The following MEI4 variants were observed in gnomAD, a reference collection of about 807,000 sequenced individuals.
MEI4 encodes meiotic double-stranded break formation protein 4, also known as meiosis-specific protein MEI4.
MEI4 carries 27 observed loss-of-function variants against 31.4 expected under a neutral mutation model. The ratio of observed to expected loss-of-function variants is 0.86; its 90% CI spans 0.63 to 1.19. MEI4 has a LOEUF of 1.19. MEI4 is among the 50% of genes most tolerant of loss of function. MEI4 has a pLI of 0.00. For synonymous variants in MEI4, 122 were observed against 145.4 expected, an observed-to-expected ratio of 0.84 and a Z score of 1.16; for missense variants, 329 against 398.9, an observed-to-expected ratio of 0.82 and a Z score of 1.49.
In MEI4 at chr6:77,737,228, G is replaced by T. The variant is rs577975443; in HGVS notation, c.233-23902G>T. On this transcript the variant is annotated intron_variant, in intron 2 of 4. Coordinates refer to ENST00000684080, the MANE Select transcript of MEI4 (RefSeq NM_001322247.2). ...TACTTTCCATAAGTTATTTATTTAGGTTATCTGATGGATAAGGCTATTTAG... is the reference window on the plus strand; with the variant it reads ...TACTTTCCATAAGTTATTTATTTAGTTTATCTGATGGATAAGGCTATTTAG... Among the ~76,000 whole-genome samples the T allele has an allele frequency of 1.4e-4, 21 of 152,280 alleles. No individual in the cohort carries two copies. The South Asian group carries it at 1.9e-3, about 14-fold the overall frequency.
intron 4 of MEI4, among the ~76,000 whole-genome samples, chr6:77,890,320 C>T (rs1422639133): frequency 1.3e-5 from 2 of 152,190 alleles, no homozygotes; most frequent in Non-Finnish European, 2.9e-5. Context: ...TCAGTGTGAC[C>T]TGAATATGAG....
At chr6:77,726,317 C>T (rs1041859261) in intron 2 of MEI4, among the ~76,000 whole-genome samples, 3 of 151,506 alleles carry the variant, frequency 2.0e-5, no homozygotes, top group African/African-American at 4.9e-5. Flanking sequence ...ATGTCTACTT[C>T]TTTCTACACA....
At position 77,747,433 on chromosome 6, in the gene MEI4, T is replaced by C. The variant is rs561534189; in HGVS notation, c.233-13697T>C. ...GGAGCCCTCAGGAAACGCACAGTCA[T>C]GGTAGAAGGGGACACAGTCATGTGT... On this transcript the variant is annotated intron_variant, in intron 2 of 4. Coordinates refer to ENST00000684080, the MANE Select transcript of MEI4 (RefSeq NM_001322247.2). 1.3e-4 allele frequency among the ~76,000 whole-genome samples: 20 copies of C among 152,186 alleles called. 1 individual carries two copies. In the East Asian group the frequency reaches 3.9e-3, roughly 30 times the overall value.
intron 1 of MEI4, among the ~76,000 whole-genome samples, chr6:77,671,433 C>G (rs912065976): frequency 6.6e-6 from 1 of 151,874 alleles, no homozygotes; most frequent in African/African-American, 2.4e-5. Context: ...TGTTTGCTGA[C>G]AAAGTGGTTA....
intron 3 of MEI4, among the ~76,000 whole-genome samples, chr6:77,783,330 A>T (rs1477635015): frequency 6.6e-6 from 1 of 152,208 alleles, no homozygotes; most frequent in Non-Finnish European, 1.5e-5. Flanking sequence ...TAACTTAAAA[A>T]TATACCTTCC....
chr6:77,911,340 T>A (rs1766430426), intron 4 of MEI4, among the ~76,000 whole-genome samples: 1 of 152,206 alleles, frequency 6.6e-6, no homozygotes, highest in African/African-American at 2.4e-5. Context: ...AGGGTACATA[T>A]GCAAGTTTAT....
chr6:77,902,962 A>G (rs1766216138), intron 4 of MEI4, among the ~76,000 whole-genome samples: 1 of 152,104 alleles, frequency 6.6e-6, no homozygotes, highest in Non-Finnish European at 1.5e-5. Context: ...TTTGGCAAAT[A>G]AACTTTCTAA....
chr6:77,882,855 T>G (rs1167534604), intron 4 of MEI4, among the ~76,000 whole-genome samples: 1 of 152,172 alleles, frequency 6.6e-6, no homozygotes, highest in Non-Finnish European at 1.5e-5. Context: ...AATGTAACAC[T>G]CTTCTAATTT....
At chr6:77,711,319 T>C (rs970342284) in intron 2 of MEI4, among the ~76,000 whole-genome samples, 2 of 152,208 alleles carry the variant, frequency 1.3e-5, no homozygotes, top group Non-Finnish European at 2.9e-5. Context: ...ACAAGATATG[T>C]ATATGTGTAT....
intron 4 of MEI4, among the ~76,000 whole-genome samples, chr6:77,839,559 C>A (rs1582201795): frequency 6.6e-6 from 1 of 152,058 alleles, no homozygotes; most frequent in East Asian, 1.9e-4. Flanking sequence ...ATGATGTAAA[C>A]CGCTGTGTAT....
intron 4 of MEI4, among the ~76,000 whole-genome samples, chr6:77,849,034 A>G (rs1386202901): frequency 6.6e-6 from 1 of 152,106 alleles, no homozygotes; most frequent in Non-Finnish European, 1.5e-5. Context: ...CACACATATA[A>G]TATAATTGCT....
intron 4 of MEI4, among the ~76,000 whole-genome samples, chr6:77,921,513 T>G (rs1766702721): frequency 6.6e-6 from 1 of 151,864 alleles, no homozygotes; most frequent in Admixed American, 6.6e-5. Flanking sequence ...AAGAGAACTT[T>G]ACTTTTAATT....
intron 4 of MEI4, among the ~76,000 whole-genome samples, chr6:77,910,925 G>GTTTTTTT (rs58959367): frequency 6.6e-5 from 8 of 120,560 alleles, no homozygotes; most frequent in African/African-American, 6.2e-5. Flanking sequence ...CCAGCTTCTG[G>GTTTTTTT]TTTTTTTTTT....
chr6:77,671,829 G>A (rs1291947674), intron 1 of MEI4, among the ~76,000 whole-genome samples: 1 of 152,110 alleles, frequency 6.6e-6, no homozygotes. Flanking sequence ...AGGAGATTAG[G>A]TATGCCCAGA....
intron 2 of MEI4, among the ~76,000 whole-genome samples, chr6:77,744,236 A>T (rs1021591525): frequency 6.6e-6 from 1 of 152,280 alleles, no homozygotes; most frequent in African/African-American, 2.4e-5. Flanking sequence ...ATTTAGACGA[A>T]TGTATAACTA....
At position 77,820,305 on chromosome 6, in the gene MEI4, A is replaced by G. The variant is rs1389816956; in HGVS notation, c.769-8626A>G. 1.3e-5 allele frequency among the ~76,000 whole-genome samples: 2 copies of G among 152,028 alleles called. No individual in the cohort carries two copies. The highest frequency in any genetic ancestry group is 4.8e-5 in the African/African-American group (2 of 41,388). On this transcript the variant is annotated intron_variant, in intron 3 of 4. Transcript: ENST00000684080. The surrounding 1 kb of genome is among the most constrained non-coding windows in gnomAD (Gnocchi z 4.5). ...ACTCTGTTGCCCAGGCTGGAGGGCA[A>G]TAGCGCGATCTTGGCTCACTTTGGC...
chr6:77,742,687 T>C (rs1767447905), intron 2 of MEI4, among the ~76,000 whole-genome samples: 1 of 152,198 alleles, frequency 6.6e-6, no homozygotes, highest in Non-Finnish European at 1.5e-5. Flanking sequence ...AGACCTGAAG[T>C]CCTTGCCCAT....
intron 2 of MEI4, among the ~76,000 whole-genome samples, chr6:77,711,418 C>T (rs530829272): frequency 6.6e-6 from 1 of 152,124 alleles, no homozygotes; most frequent in South Asian, 2.1e-4. Context: ...TTTTATTTGT[C>T]ACTGGTACTT....
At chr6:77,799,624 T>C (rs1211357093) in intron 3 of MEI4, among the ~76,000 whole-genome samples, 1 of 152,190 alleles carries the variant, frequency 6.6e-6, no homozygotes, top group Non-Finnish European at 1.5e-5. Flanking sequence ...TTTATGGTTT[T>C]AGGTCTAATG....
Sources: allele counts gnomAD v4.1 joint callset (sites outside exome capture counted in the v4.1 genomes callset), GRCh38; gene constraint gnomAD v4.1.1; non-coding constraint Gnocchi (gnomAD v3.1); transcripts MANE v1.5; gene names NCBI Gene and HGNC (gene_info 2026-07-23, HGNC 2026-07-21).